Variants in HMGCLL1 observed in about 807,000 individuals in gnomAD.
HMGCLL1 encodes the protein 3-hydroxymethyl-3-methylglutaryl-CoA lyase, cytoplasmic.
A neutral mutation model predicts 39.1 loss-of-function variants in HMGCLL1; 36 were observed. The observed-to-expected ratio is 0.92, with a 90% confidence interval of 0.71 to 1.22. The LOEUF is 1.22. HMGCLL1 is among the 50% of genes most tolerant of loss of function. HMGCLL1 has a pLI of 0.00. For synonymous variants in HMGCLL1, 149 were observed against 144.0 expected (o/e 1.03, Z -0.25); for missense variants, 451 against 416.5 (o/e 1.08, Z -0.72).
intron 8 of HMGCLL1, among the ~76,000 whole-genome samples, chr6:55,438,906 C>A (rs1419293034): frequency 6.6e-6 from 1 of 151,942 alleles, no homozygotes; most frequent in Non-Finnish European, 1.5e-5. Context: ...TTACATAGCA[C>A]GTGACTTTTC....
chr6:55,468,029 T>A (rs891191559), intron 7 of HMGCLL1, among the ~76,000 whole-genome samples: 1 of 151,926 alleles, frequency 6.6e-6, no homozygotes, highest in Non-Finnish European at 1.5e-5. Flanking sequence ...AATGCCTGTG[T>A]GAAGGCCCCC....
chr6:55,577,532 T>C (rs952256197), intron 1 of HMGCLL1, among the ~76,000 whole-genome samples: 1 of 152,190 alleles, frequency 6.6e-6, no homozygotes, highest in African/African-American at 2.4e-5. Context: ...GTCATTTTCA[T>C]TTAACCTGCT....
chr6:55,498,678 G>A (rs1334241235), intron 6 of HMGCLL1, among the ~76,000 whole-genome samples: 1 of 151,940 alleles, frequency 6.6e-6, no homozygotes, highest in Non-Finnish European at 1.5e-5. Flanking sequence ...AAATAATAAA[G>A]GACAGGAAGA....
At chr6:55,487,077 C>T (rs1766069900) in intron 7 of HMGCLL1, among the ~76,000 whole-genome samples, 1 of 152,076 alleles carries the variant, frequency 6.6e-6, no homozygotes, top group Non-Finnish European at 1.5e-5. Context: ...TAGGTTTCAA[C>T]ATAAACATTT....
At chr6:55,637,032 C>G in the HMGCLL1 span, among the ~76,000 whole-genome samples, 4 of 152,072 alleles carry the variant, frequency 2.6e-5, no homozygotes, top group South Asian at 8.3e-4. Flanking sequence ...AAAGAGCCAG[C>G]TAAAAAATAA....
chr6:55,552,267 G>C (rs1770378515), intron 1 of HMGCLL1, among the ~76,000 whole-genome samples: 1 of 151,890 alleles, frequency 6.6e-6, no homozygotes, highest in African/African-American at 2.4e-5. Context: ...AAACATGAAT[G>C]CTACCAGTCC....
chr6:55,485,687 A>G (rs1297755260), intron 7 of HMGCLL1, among the ~76,000 whole-genome samples: 1 of 152,034 alleles, frequency 6.6e-6, no homozygotes, highest in African/African-American at 2.4e-5. Context: ...ATCATTAAAC[A>G]TATGAAAGAA....
chr6:55,556,058 T>C (rs1430416725), intron 1 of HMGCLL1, among the ~76,000 whole-genome samples: 1 of 152,070 alleles, frequency 6.6e-6, no homozygotes, highest in Non-Finnish European at 1.5e-5. Context: ...TTGCAATAAT[T>C]GTTAGCAGCA....
the HMGCLL1 span, among the ~76,000 whole-genome samples, chr6:55,627,827 G>GT: frequency 8.0e-6 from 1 of 124,766 alleles, no homozygotes; most frequent in African/African-American, 3.1e-5. Flanking sequence ...TCAGATTGCA[G>GT]ACAGCTTATT....
intron 8 of HMGCLL1, among the ~76,000 whole-genome samples, chr6:55,438,271 CA>C (rs1346564525): frequency 7.9e-5 from 12 of 152,008 alleles, no homozygotes. Flanking sequence ...TGTTTATGGG[CA>C]ACAGCTGTTG....
chr6:55,579,063 C>G lies in HMGCLL1; in HGVS notation c.-8G>C. The G allele has an allele frequency of 6.2e-7, 1 of 1,602,050 alleles. No homozygotes were observed. The highest frequency in any genetic ancestry group is 1.1e-5 in the South Asian group (1 of 89,592). ...GGATGGCACATTCCCCATGGCGGAG[C>G]CTGGGGCGGCAGTCGGCGAGGGGAG... On this transcript the variant is annotated 5_prime_UTR_variant, in exon 1 of 9. Transcript: ENST00000274901.
intron 7 of HMGCLL1, among the ~76,000 whole-genome samples, chr6:55,447,811 A>G (rs1763921195): frequency 6.6e-6 from 1 of 152,126 alleles, no homozygotes; most frequent in African/African-American, 2.4e-5. Context: ...CCTGCTTCAT[A>G]TGGTTAGTAT....
intron 7 of HMGCLL1, among the ~76,000 whole-genome samples, chr6:55,444,040 G>T (rs1317073662): frequency 6.6e-6 from 1 of 152,092 alleles, no homozygotes; most frequent in Non-Finnish European, 1.5e-5. Flanking sequence ...CTTGAACTGA[G>T]TTGATTACAT....
chr6:55,535,144 G>A (rs544211196), intron 3 of HMGCLL1, among the ~76,000 whole-genome samples: 1 of 152,132 alleles, frequency 6.6e-6, no homozygotes, highest in Admixed American at 6.5e-5. Context: ...AGAACTAAGT[G>A]TCTTCATTCC....
At chr6:55,637,972 T>A in the HMGCLL1 span, among the ~76,000 whole-genome samples, 32 of 152,208 alleles carry the variant, frequency 2.1e-4, no homozygotes, top group African/African-American at 7.7e-4. Context: ...TACTGTCAAA[T>A]GTTGAAACTA....
At chr6:55,535,093 C>A (rs2127451571) in intron 3 of HMGCLL1, among the ~76,000 whole-genome samples, 1 of 152,260 alleles carries the variant, frequency 6.6e-6, no homozygotes, top group East Asian at 1.9e-4. Flanking sequence ...ACAATTTTAC[C>A]TACATTTAAA....
At chr6:55,530,695 T>C (rs916143055) in intron 3 of HMGCLL1, among the ~76,000 whole-genome samples, 3 of 152,160 alleles carry the variant, frequency 2.0e-5, no homozygotes, top group African/African-American at 7.2e-5. Flanking sequence ...TTGTCTAATG[T>C]GATATTCGGG....
intron 8 of HMGCLL1, among the ~76,000 whole-genome samples, chr6:55,438,854 C>A (rs1254012550): frequency 6.6e-6 from 1 of 151,888 alleles, no homozygotes; most frequent in Admixed American, 6.6e-5. Context: ...GTTGTGTTAA[C>A]AATCATAGGG....
In HMGCLL1 at chr6:55,435,539, A is replaced by G; in HGVS notation, c.*123T>C. The G allele has an allele frequency of 2.1e-6, 1 of 483,822 alleles. No homozygotes were observed. The highest frequency in any genetic ancestry group is 3.7e-6 in the Non-Finnish European group (1 of 268,800). 30.0% of individuals were successfully genotyped at this position (483,822 alleles called of 1,614,324 possible). ...TCCAGTTATAATCTTTTTGAAAAGG[A>G]TCTCTTTTTTCCCACTCTTGTCCAT... On this transcript the variant is annotated 3_prime_UTR_variant, in exon 9 of 9. Transcript: ENST00000274901.
Sources: gnomAD v4.1 joint callset for allele counts (sites outside exome capture counted in the v4.1 genomes callset) on GRCh38, gnomAD v4.1.1 for gene constraint, MANE v1.5 for transcripts, NCBI Gene and HGNC (gene_info 2026-07-23, HGNC 2026-07-21) for gene names.